The following WIPF1 variants were observed in gnomAD, a reference collection of about 807,000 sequenced individuals.
WIPF1 encodes the protein WAS/WASL-interacting protein family member 1.
WIPF1 carries 13 observed loss-of-function variants against 35.4 expected under a neutral mutation model. That is an observed-to-expected ratio of 0.37 (90% CI 0.24 to 0.58). WIPF1 has a LOEUF of 0.58. Among genes scored for constraint, WIPF1 ranks in the 20% least tolerant of loss-of-function variants. WIPF1 has a pLI of 0.74. For synonymous variants in WIPF1, 267 were observed against 266.3 expected, an observed-to-expected ratio of 1.00 and a Z score of -0.02; for missense variants, 591 against 667.0, an observed-to-expected ratio of 0.89 and a Z score of 1.25.
At chr2:174,633,580 A>G (rs867330594) in intron 1 of WIPF1, among the ~76,000 whole-genome samples, 69 of 152,298 alleles carry the variant, frequency 4.5e-4, no homozygotes, top group Middle Eastern at 3.4e-3. Context: ...TGGATTTGAG[A>G]CGTTTTCTTT....
In WIPF1 at chr2:174,622,699, T is replaced by C. The variant is rs756141352; in HGVS notation, c.-38-37088A>G. Among the ~76,000 whole-genome samples the C allele has an allele frequency of 3.3e-5, 5 of 152,246 alleles. No homozygotes were observed. The highest frequency in any genetic ancestry group is 5.9e-5 in the Non-Finnish European group (4 of 68,042). ...TTATTCTGGCTGATTAGCACTTGTGTCTGCCCCGCGGTCAGAAATTTTATA... is the reference window on the plus strand; with the variant it reads ...TTATTCTGGCTGATTAGCACTTGTGCCTGCCCCGCGGTCAGAAATTTTATA... On this transcript the variant is annotated intron_variant, in intron 1 of 8. Coordinates refer to the WIPF1 transcript ENST00000272746. The surrounding 1 kb of genome is among the most constrained non-coding windows in gnomAD (Gnocchi z 5.1).
intron 7 of WIPF1, among the ~76,000 whole-genome samples, chr2:174,564,820 C>T (rs1354838132): frequency 1.5e-5 from 2 of 135,596 alleles, no homozygotes; most frequent in Non-Finnish European, 3.2e-5. Flanking sequence ...CTGGTGCACA[C>T]ACACACACAC....
At chr2:174,599,819 C>A (rs1316101462), upstream of WIPF1, among the ~76,000 whole-genome samples, 1 of 135,866 alleles carries the variant, frequency 7.4e-6, no homozygotes, top group Non-Finnish European at 1.5e-5. Context: ...CTCTAGCTAT[C>A]TCTCTCTCTC....
At chr2:174,634,727 T>A (rs1378107810) in intron 1 of WIPF1, 1 of 152,178 alleles carries the variant, frequency 6.6e-6, no homozygotes, top group Non-Finnish European at 1.5e-5. Context: ...AATGATTGTC[T>A]CCCCCAGCTT....
intron 1 of WIPF1, among the ~76,000 whole-genome samples, chr2:174,642,195 C>T (rs188760089): frequency 2.6e-5 from 4 of 152,244 alleles, no homozygotes; most frequent in South Asian, 2.1e-4. Context: ...TTTAACATTC[C>T]CTTATCTCAG....
chr2:174,658,450 G>GA (rs1394976453), intron 1 of WIPF1, among the ~76,000 whole-genome samples: 1 of 152,174 alleles, frequency 6.6e-6, no homozygotes, highest in Non-Finnish European at 1.5e-5. Context: ...GGTGGGCCTG[G>GA]AATTCAGCAG....
chr2:174,578,078 C>CT (rs1053116128), intron 3 of WIPF1, among the ~76,000 whole-genome samples: 1 of 152,020 alleles, frequency 6.6e-6, no homozygotes. Flanking sequence ...ACAGATAATT[C>CT]TTTTTTGTGG....
At chr2:174,638,391 T>C (rs933789569) in intron 1 of WIPF1, among the ~76,000 whole-genome samples, 1 of 152,254 alleles carries the variant, frequency 6.6e-6, no homozygotes, top group Non-Finnish European at 1.5e-5. Context: ...GCATTTATTA[T>C]TTATTTATGA....
At chr2:174,632,315 C>T (rs567210002) in intron 1 of WIPF1, among the ~76,000 whole-genome samples, 20 of 152,154 alleles carry the variant, frequency 1.3e-4, no homozygotes, top group African/African-American at 4.6e-4. Context: ...TGGAACACAG[C>T]GCAGTGAAAG....
intron 4 of WIPF1, chr2:174,574,636 AC>A (rs1684986125): frequency 4.6e-6 from 2 of 431,200 alleles, no homozygotes; most frequent in African/African-American, 4.0e-5. Context: ...GTTTTTTTCT[AC>A]CATCAGGTTC....
intron 1 of WIPF1, among the ~76,000 whole-genome samples, chr2:174,614,894 G>T (rs1574836959): frequency 6.6e-6 from 1 of 152,118 alleles, no homozygotes; most frequent in African/African-American, 2.4e-5. Context: ...TGTTCCCTCT[G>T]CCCCAATATC....
At chr2:174,607,229 C>T (rs1686197403) in intron 1 of WIPF1, among the ~76,000 whole-genome samples, 1 of 151,928 alleles carries the variant, frequency 6.6e-6, no homozygotes, top group African/African-American at 2.4e-5. Flanking sequence ...CGGTGAAACC[C>T]CGTCTCTATT....
At chr2:174,647,892 GAT>G (rs1220512302) in intron 1 of WIPF1, among the ~76,000 whole-genome samples, 2 of 152,208 alleles carry the variant, frequency 1.3e-5, no homozygotes, top group African/African-American at 4.8e-5. Context: ...AGATTAAAGA[GAT>G]AGGTTATTCT....
At chr2:174,666,223 C>G (rs1687887482) in intron 1 of WIPF1, among the ~76,000 whole-genome samples, 2 of 152,170 alleles carry the variant, frequency 1.3e-5, no homozygotes, top group African/African-American at 4.8e-5. Flanking sequence ...CATGATTGTG[C>G]CACTGCACTC....
At chr2:174,598,746 T>C (rs1685902279), upstream of WIPF1, among the ~76,000 whole-genome samples, 1 of 152,162 alleles carries the variant, frequency 6.6e-6, no homozygotes, top group Non-Finnish European at 1.5e-5. Context: ...GGGATAACAG[T>C]AACTCTCCTA....
Position 174,568,090 on chromosome 2 carries a change from C to T in WIPF1, c.1130-17G>A. The T allele has an allele frequency of 6.2e-7, 1 of 1,605,118 alleles. No individual in the cohort carries two copies. Among genetic ancestry groups the T allele is most frequent in the Non-Finnish European group, 8.5e-7 (1 of 1,176,700 alleles). On this transcript the variant is annotated splice_polypyrimidine_tract_variant and intron_variant, in intron 5 of 7. Coordinates refer to ENST00000679041, the MANE Select transcript of WIPF1 (RefSeq NM_001375834.1). ...GGAGGGGGCCTGGAGCAAAAAAAGA[C>T]ACTTAGTGCAGAACCTTACATCCAC...
chr2:174,677,823 G>A (rs1574875462), intron 1 of WIPF1, among the ~76,000 whole-genome samples: 1 of 152,328 alleles, frequency 6.6e-6, no homozygotes, highest in East Asian at 1.9e-4. Context: ...GGAAAGTGCA[G>A]TTTAGCTGGA....
At chr2:174,641,506 C>G (rs535301772) in intron 1 of WIPF1, among the ~76,000 whole-genome samples, 12 of 152,164 alleles carry the variant, frequency 7.9e-5, no homozygotes, top group Non-Finnish European at 1.6e-4. Flanking sequence ...GCTAATGAAC[C>G]GCTGTTATTT....
chr2:174,666,344 A>G (rs1038996694), intron 1 of WIPF1, among the ~76,000 whole-genome samples: 1 of 152,182 alleles, frequency 6.6e-6, no homozygotes, highest in Non-Finnish European at 1.5e-5. Context: ...CCAGGAATCT[A>G]TACAATGTAA....
Sources: gnomAD v4.1 joint callset for allele counts (sites outside exome capture counted in the v4.1 genomes callset) on GRCh38, gnomAD v4.1.1 for gene constraint, Gnocchi (gnomAD v3.1) non-coding constraint, MANE v1.5 for transcripts, NCBI Gene and HGNC (gene_info 2026-07-23, HGNC 2026-07-21) for gene names.